ZNF626: variants seen among roughly 807,000 people sequenced by gnomAD.
ZNF626 encodes the protein zinc finger protein 626.
Under a neutral mutation model 11.7 loss-of-function variants are expected in ZNF626, and 4 were observed. The ratio of observed to expected loss-of-function variants is 0.34; its 90% CI spans 0.17 to 0.78. ZNF626 has a LOEUF of 0.78. Ranked by LOEUF, ZNF626 falls within the 30% of genes least tolerant of loss-of-function variation. ZNF626 has a pLI of 0.57. For synonymous variants in ZNF626, 179 were observed against 198.6 expected (o/e 0.90, Z 0.83); for missense variants, 588 against 587.1 (o/e 1.00, Z -0.01).
intron 3 of ZNF626, among the ~76,000 whole-genome samples, chr19:20,639,554 G>A (rs782523717): frequency 1.3e-5 from 2 of 152,080 alleles, no homozygotes; most frequent in African/African-American, 4.8e-5. Context: ...CCTGGGCAAC[G>A]TAGTCAGATC....
In ZNF626 at chr19:20,623,172, G is replaced by C. The variant is rs1969777111; in HGVS notation, c.*1118C>G. 1 of 152,158 alleles carries C rather than the reference G, an allele frequency of 6.6e-6. No homozygotes were observed. 9.4% of individuals were successfully genotyped at this position (152,158 alleles called of 1,614,324 possible). ...CTATGAACCTTCTTATGTTGAGTAA[G>C]ATGTGAGTAGGCATTAATGGGTTTT... On this transcript the variant is annotated 3_prime_UTR_variant, in exon 4 of 4. Coordinates refer to ENST00000601440, the MANE Select transcript of ZNF626 (RefSeq NM_001076675.3).
intron 1 of ZNF626, among the ~76,000 whole-genome samples, chr19:20,648,190 AAG>A (rs1491077552): frequency 3.3e-5 from 5 of 151,272 alleles, no homozygotes; most frequent in South Asian, 2.1e-4. Flanking sequence ...AAAAAAAAAA[AAG>A]AATCATCAGT....
chr19:20,644,835 C>G (rs1970057989), intron 3 of ZNF626: 1 of 152,024 alleles, frequency 6.6e-6, no homozygotes, highest in Non-Finnish European at 1.5e-5. Context: ...TACACTTAAA[C>G]TATCTGACAA....
In ZNF626 at chr19:20,661,549, G is replaced by A; in HGVS notation, c.-103C>T. 2 of 1,313,178 alleles carry A rather than the reference G, an allele frequency of 1.5e-6. No individual in the cohort carries two copies. Among genetic ancestry groups the A allele is most frequent in the Non-Finnish European group, 2.1e-6 (2 of 935,168 alleles). The allele number at this position is 1,313,178 out of a possible 1,614,324, so 81.3% of individuals were successfully genotyped here. ...GCCTTTAGGAGAAGAACCAGACCTG[G>A]AGCTCTGACTGCAGCGAGAGACAAA... On this transcript the variant is annotated 5_prime_UTR_variant, in exon 1 of 4. Transcript: ENST00000601440.
chr19:20,625,156 A>G lies in ZNF626; in HGVS notation c.721T>C (p.Ser241Pro). The change falls in exon 4 of 4, where the codon TCC becomes CCC. Residue 241 changes from serine to proline, a missense_variant. This residue lies in a region of ZNF626 where 524 missense variants were observed against 470.1 expected (regional missense o/e 1.11). Coordinates refer to ENST00000601440, the MANE Select transcript of ZNF626 (RefSeq NM_001076675.3). ...CTCTTATGTGTAGTAAGAGTGGAGG[A>G]GTGCTTAAAGGCTTTGCCACATTCT... Reference protein sequence around the residue: ...CEECGKAFKHSSTLTTHKRNH... With the variant: ...CEECGKAFKHPSTLTTHKRNH... 1 of 1,613,138 alleles carries G rather than the reference A, an allele frequency of 6.2e-7. No individual in the cohort carries two copies.
chr19:20,650,361 G>C (rs1555772465), intron 1 of ZNF626, among the ~76,000 whole-genome samples: 5 of 152,034 alleles, frequency 3.3e-5, no homozygotes, highest in African/African-American at 1.2e-4. Flanking sequence ...TTACATTTTT[G>C]TGACTTGTGG....
intron 1 of ZNF626, among the ~76,000 whole-genome samples, chr19:20,658,164 G>A (rs1403281364): frequency 1.3e-5 from 2 of 152,134 alleles, no homozygotes; most frequent in African/African-American, 4.8e-5. Context: ...TGAATGGACT[G>A]ATTTTCATTA....
chr19:20,626,912 G>A (rs1227166768), intron 3 of ZNF626, among the ~76,000 whole-genome samples: 1 of 152,130 alleles, frequency 6.6e-6, no homozygotes, highest in African/African-American at 2.4e-5. Flanking sequence ...CTACTTGGGA[G>A]ACAGAGGCCG....
At chr19:20,632,687 G>A (rs899021410) in intron 3 of ZNF626, among the ~76,000 whole-genome samples, 50 of 152,110 alleles carry the variant, frequency 3.3e-4, no homozygotes, top group Admixed American at 2.6e-3. Context: ...TTATCTATTC[G>A]TCTAATTTTT....
At chr19:20,633,940 C>T (rs565671929) in intron 3 of ZNF626, among the ~76,000 whole-genome samples, 10 of 152,272 alleles carry the variant, frequency 6.6e-5, no homozygotes, top group African/African-American at 2.4e-4. Flanking sequence ...CTCCTCCCCC[C>T]TCATGTAAAT....
chr19:20,648,990 C>T (rs1970116409), intron 1 of ZNF626, among the ~76,000 whole-genome samples: 1 of 152,168 alleles, frequency 6.6e-6, no homozygotes, highest in Non-Finnish European at 1.5e-5. Context: ...TTAAGCCAAA[C>T]TCATTAGGGA....
intron 1 of ZNF626, among the ~76,000 whole-genome samples, chr19:20,652,099 T>C (rs1555772627): frequency 6.6e-6 from 1 of 152,214 alleles, no homozygotes; most frequent in Non-Finnish European, 1.5e-5. Context: ...AAATGCCTTT[T>C]CTTAGTTTTC....
intron 1 of ZNF626, among the ~76,000 whole-genome samples, chr19:20,647,484 G>GT (rs71174723): frequency 0.091 from 11,143 of 122,424 alleles, 748 homozygotes; most frequent in South Asian, 0.13. Flanking sequence ...TAGGACAATG[G>GT]TTTTTTTTTT....
chr19:20,629,727 G>T (rs1361360163), intron 3 of ZNF626, among the ~76,000 whole-genome samples: 5 of 152,164 alleles, frequency 3.3e-5, no homozygotes, highest in Non-Finnish European at 5.9e-5. Context: ...TCTGCAAACA[G>T]GGACAATTTG....
chr19:20,659,299 G>A, intron 1 of ZNF626, among the ~76,000 whole-genome samples: 1 of 151,998 alleles, frequency 6.6e-6, no homozygotes, highest in East Asian at 1.9e-4. Context: ...GAGTGCCTTG[G>A]CACCGTCTCA....
intron 3 of ZNF626, among the ~76,000 whole-genome samples, chr19:20,626,857 A>G (rs1555769815): frequency 6.6e-6 from 1 of 152,108 alleles, no homozygotes; most frequent in Non-Finnish European, 1.5e-5. Context: ...TCTGCTAAAA[A>G]TACAAAAAAT....
intron 3 of ZNF626, among the ~76,000 whole-genome samples, chr19:20,631,923 G>A (rs142066015): frequency 0.014 from 2,162 of 151,840 alleles, 64 homozygotes; most frequent in South Asian, 0.1. Context: ...GCAGCGGCTG[G>A]TACCGGTTGC....
At chr19:20,634,126 ATG>A (rs1969940076) in intron 3 of ZNF626, among the ~76,000 whole-genome samples, 2 of 152,212 alleles carry the variant, frequency 1.3e-5, no homozygotes, top group African/African-American at 4.8e-5. Context: ...GTGTGTATTT[ATG>A]TGTGTGTGTC....
intron 3 of ZNF626, among the ~76,000 whole-genome samples, chr19:20,626,959 G>A (rs1969842357): frequency 6.6e-6 from 1 of 152,134 alleles, no homozygotes; most frequent in African/African-American, 2.4e-5. Flanking sequence ...AGGTAGCTAT[G>A]AGCTGAGATG....
Sources: allele counts gnomAD v4.1 joint callset (sites outside exome capture counted in the v4.1 genomes callset), GRCh38; gene constraint gnomAD v4.1.1; regional missense constraint gnomAD v4.1.1; transcripts MANE v1.5; gene names NCBI Gene and HGNC (gene_info 2026-07-23, HGNC 2026-07-21).